Variants in RAB8B observed in about 807,000 individuals in gnomAD.
The protein encoded by RAB8B is RAB8B, member RAS oncogene family, also known as ras-related protein Rab-8B.
A neutral mutation model predicts 32.0 loss-of-function variants in RAB8B; 11 were observed. That is an observed-to-expected ratio of 0.34 (90% CI 0.22 to 0.57). The LOEUF (loss-of-function observed/expected upper bound fraction) is 0.57, where lower values mean the gene tolerates loss of function less well. Ranked by LOEUF, RAB8B falls within the 20% of genes least tolerant of loss-of-function variation. The pLI is 0.86. For missense variants in RAB8B, 190 were observed against 258.5 expected, an observed-to-expected ratio of 0.73 and a Z score of 1.82; for synonymous variants, 103 against 89.6, an observed-to-expected ratio of 1.15 and a Z score of -0.85.
intron 3 of RAB8B, among the ~76,000 whole-genome samples, chr15:63,255,240 A>G (rs924156530): frequency 6.6e-6 from 1 of 152,314 alleles, no homozygotes; most frequent in African/African-American, 2.4e-5. Flanking sequence ...GTCAGGTAGA[A>G]AGGGTGTATC....
At chr15:63,211,730 A>T (rs1470534157) in intron 1 of RAB8B, among the ~76,000 whole-genome samples, 1 of 152,210 alleles carries the variant, frequency 6.6e-6, no homozygotes, top group Non-Finnish European at 1.5e-5. Context: ...GTCAATTGCA[A>T]CTAGTGACTG....
At chr15:63,203,256 A>C (rs956828034) in intron 1 of RAB8B, among the ~76,000 whole-genome samples, 1 of 152,260 alleles carries the variant, frequency 6.6e-6, no homozygotes, top group Admixed American at 6.5e-5. Flanking sequence ...ACTTACTGAC[A>C]AAATGGAAAA....
At chr15:63,210,383 G>A (rs1161380977) in intron 1 of RAB8B, among the ~76,000 whole-genome samples, 1 of 152,184 alleles carries the variant, frequency 6.6e-6, no homozygotes, top group Non-Finnish European at 1.5e-5. Context: ...ATTACAAAAT[G>A]TTTCCTCAAT....
At position 63,244,830 on chromosome 15, in the gene RAB8B, C is replaced by T. The variant is rs761382843; in HGVS notation, c.185+14C>T. ...GCTTCAGATATGGTAAGTAAACACA[C>T]ACACAGAGTTTCTGCTTTAATTGGG... On this transcript the variant is annotated intron_variant, in intron 2 of 7. Transcript: ENST00000321437. 6.4e-6 allele frequency: 10 copies of T among 1,553,082 alleles called. No homozygotes were observed. Among genetic ancestry groups the T allele is most frequent in the Non-Finnish European group, 8.8e-6 (10 of 1,133,824 alleles).
intron 1 of RAB8B, among the ~76,000 whole-genome samples, chr15:63,199,689 T>C (rs1182505091): frequency 1.3e-5 from 2 of 152,146 alleles, no homozygotes; most frequent in East Asian, 3.9e-4. Context: ...GTGGGCTTTT[T>C]TTGAGACTTT....
intron 1 of RAB8B, among the ~76,000 whole-genome samples, chr15:63,204,142 AAT>A (rs2037677716): frequency 6.6e-6 from 1 of 152,146 alleles, no homozygotes; most frequent in African/African-American, 2.4e-5. Context: ...TTCCATACAA[AAT>A]ATGAGCGGGA....
intron 1 of RAB8B, among the ~76,000 whole-genome samples, chr15:63,227,536 C>T (rs1284872545): frequency 6.6e-6 from 1 of 152,178 alleles, no homozygotes; most frequent in Non-Finnish European, 1.5e-5. Context: ...TTTTCAATTG[C>T]AGAGGTTAAT....
chr15:63,206,885 A>C (rs1450274143), intron 1 of RAB8B, among the ~76,000 whole-genome samples: 1 of 151,232 alleles, frequency 6.6e-6, no homozygotes, highest in African/African-American at 2.4e-5. Flanking sequence ...GGTCATCATG[A>C]CCTCCTTGTT....
At chr15:63,249,798 T>G in intron 3 of RAB8B, 93 bp downstream of exon 3, 1 of 1,316,456 alleles carries the variant, frequency 7.6e-7, no homozygotes, top group Non-Finnish European at 1.0e-6. Context: ...TGGAGTCTAG[T>G]ATGTAGAAAA....
chr15:63,190,461 C>T (rs1206720717), intron 1 of RAB8B, among the ~76,000 whole-genome samples: 3 of 151,964 alleles, frequency 2.0e-5, no homozygotes, highest in Non-Finnish European at 4.4e-5. Context: ...GAGGAAGCAA[C>T]ATCATAGTAA....
At position 63,207,014 on chromosome 15, in the gene RAB8B, T is replaced by G. The variant is rs186879079; in HGVS notation, c.124+17266T>G. On this transcript the variant is annotated intron_variant, in intron 1 of 7. Coordinates refer to ENST00000321437, the MANE Select transcript of RAB8B (RefSeq NM_016530.3). ...CCTCCTTTGGCTTCCAGGAATTGTC[T>G]GCTCCAGCATACTTCCTACTCTTCT... is the stretch of plus-strand genomic sequence containing the variant. Among the ~76,000 whole-genome samples, 101 of 152,372 alleles carry G rather than the reference T, an allele frequency of 6.6e-4. 1 individual carries two copies. Among genetic ancestry groups the G allele is most frequent in the African/African-American group, 2.4e-3 (99 of 41,590 alleles).
chr15:63,207,170 G>A lies in RAB8B; in HGVS notation c.124+17422G>A, dbSNP rs766527168. ...ACACTTCAATAAAATTTGTAATTAC[G>A]TCCATCTGTGTGATTATTGCATTGA... is the stretch of plus-strand genomic sequence containing the variant. On this transcript the variant is annotated intron_variant, in intron 1 of 7. Transcript: ENST00000321437. 3.7e-4 allele frequency among the ~76,000 whole-genome samples: 56 copies of A among 152,010 alleles called. 1 individual carries two copies. Among genetic ancestry groups the A allele is most frequent in the Middle Eastern group, 3.4e-3 (1 of 294 alleles).
intron 1 of RAB8B, among the ~76,000 whole-genome samples, chr15:63,197,171 A>G (rs1423825998): frequency 6.6e-6 from 1 of 151,782 alleles, no homozygotes; most frequent in Non-Finnish European, 1.5e-5. Flanking sequence ...AAATATTTAT[A>G]TAAATATTTT....
intron 1 of RAB8B, among the ~76,000 whole-genome samples, chr15:63,223,301 G>A (rs1407072823): frequency 1.3e-5 from 2 of 151,884 alleles, no homozygotes; most frequent in East Asian, 1.9e-4. Flanking sequence ...TAGTAGAGAC[G>A]GGGTTTCACT....
At chr15:63,253,668 GA>G (rs2038135121) in intron 3 of RAB8B, among the ~76,000 whole-genome samples, 1 of 151,502 alleles carries the variant, frequency 6.6e-6, no homozygotes, top group Non-Finnish European at 1.5e-5. Flanking sequence ...AAGAAAGAAA[GA>G]AAGAAAAAAA....
At chr15:63,254,164 G>A (rs1457463993) in intron 3 of RAB8B, among the ~76,000 whole-genome samples, 1 of 152,142 alleles carries the variant, frequency 6.6e-6, no homozygotes, top group Non-Finnish European at 1.5e-5. Context: ...CTATTTGCCA[G>A]GTACCTGGGC....
rs760896195 is a variant in RAB8B, at chr15:63,259,705, C to T, written c.480+13C>T. On this transcript the variant is annotated intron_variant, in intron 6 of 7. Coordinates refer to ENST00000321437, the MANE Select transcript of RAB8B (RefSeq NM_016530.3). This position sits in a 1 kb window ranked among gnomAD's most constrained non-coding sequence, Gnocchi z 4.4. The stretch of plus-strand genomic sequence containing the variant: ...AAATGTAGAAGAGGTAAGAAGGAAA[C>T]GTTTGGTGACTGTTACGGAGCAGCA... The T allele has an allele frequency of 5.6e-6, 9 of 1,611,100 alleles. No individual in the cohort carries two copies. The highest frequency in any genetic ancestry group is 1.7e-4 in the Middle Eastern group (1 of 6,052).
Position 63,190,520 on chromosome 15 carries a change from G to C in RAB8B, c.124+772G>C, listed in dbSNP as rs184360069. On this transcript the variant is annotated intron_variant, in intron 1 of 7. Transcript: ENST00000321437. ...GAGGAGATGGAAAAGAGAGGAAATG[G>C]AAAGTAGTGGGGCGCAAGACTTGCT... Among the ~76,000 whole-genome samples, 100 of 152,222 alleles carry C rather than the reference G, an allele frequency of 6.6e-4. 1 individual carries two copies. The highest frequency in any genetic ancestry group is 2.4e-3 in the African/African-American group (98 of 41,530).
At position 63,256,637 on chromosome 15, in the gene RAB8B, T is replaced by C. The variant is rs778855197; in HGVS notation, c.414+43T>C. 14 of 1,358,144 alleles carry C rather than the reference T, an allele frequency of 1.0e-5. No individual in the cohort carries two copies. In the Admixed American group the frequency reaches 3.1e-4, roughly 30 times the overall value. The allele number at this position is 1,358,144 out of a possible 1,614,324, so 84.1% of individuals were successfully genotyped here. ...GGATAAAGGTTGGAATCTACTCACA[T>C]TAAGCATTTCTTTTCTTCATATTAT... On this transcript the variant is annotated intron_variant, in intron 5 of 7. Transcript: ENST00000321437.
Sources: allele counts gnomAD v4.1 joint callset (sites outside exome capture counted in the v4.1 genomes callset), GRCh38; gene constraint gnomAD v4.1.1; non-coding constraint Gnocchi (gnomAD v3.1); transcripts MANE v1.5; gene names NCBI Gene and HGNC (gene_info 2026-07-23, HGNC 2026-07-21).